STX8: variants seen among roughly 807,000 people sequenced by gnomAD.
STX8 encodes the protein syntaxin 8.
In STX8, 23 loss-of-function variants were observed where a neutral mutation model predicts 37.5. The ratio of observed to expected loss-of-function variants is 0.61; its 90% CI spans 0.44 to 0.87. The LOEUF is 0.87. STX8 is among the 40% of genes least tolerant of loss of function. The probability of loss-of-function intolerance (pLI) is 0.00; values close to 1 mark genes in which losing one functional copy is unlikely to be tolerated. For missense variants in STX8, 313 were observed against 284.7 expected, an observed-to-expected ratio of 1.10 and a Z score of -0.71; for synonymous variants, 115 against 99.1, an observed-to-expected ratio of 1.16 and a Z score of -0.95.
chr17:9,399,274 C>T (rs1171223074), intron 6 of STX8, among the ~76,000 whole-genome samples: 1 of 152,134 alleles, frequency 6.6e-6, no homozygotes, highest in Non-Finnish European at 1.5e-5. Context: ...AGAGTGAGAA[C>T]ATACTAAGGG....
At chr17:9,388,569 C>T (rs1228783117) in intron 6 of STX8, among the ~76,000 whole-genome samples, 3 of 151,222 alleles carry the variant, frequency 2.0e-5, no homozygotes, top group East Asian at 4.0e-4. Context: ...TTTGGGAGGC[C>T]GAGGTGGGCG....
At chr17:9,520,291 A>G (rs925786545) in intron 4 of STX8, among the ~76,000 whole-genome samples, 9 of 152,244 alleles carry the variant, frequency 5.9e-5, no homozygotes, top group African/African-American at 2.2e-4. Flanking sequence ...CTTCAGCAGC[A>G]AAGACTGATA....
chr17:9,450,752 A>T (rs984626032), intron 6 of STX8, among the ~76,000 whole-genome samples: 10 of 152,150 alleles, frequency 6.6e-5, no homozygotes, highest in Admixed American at 6.5e-4. Flanking sequence ...ATTTCAAGTC[A>T]GCACTTTTCT....
chr17:9,512,003 C>T (rs945397882), intron 4 of STX8, among the ~76,000 whole-genome samples: 4 of 151,866 alleles, frequency 2.6e-5, no homozygotes, highest in Non-Finnish European at 5.9e-5. Context: ...GCAATCCCCC[C>T]GCCAAAATTA....
At chr17:9,458,303 C>T (rs1374235309) in intron 6 of STX8, among the ~76,000 whole-genome samples, 3 of 150,960 alleles carry the variant, frequency 2.0e-5, no homozygotes, top group Non-Finnish European at 2.9e-5. Flanking sequence ...GCGACCACTG[C>T]CACGCCTGGC....
chr17:9,362,211 T>C (rs544683357), intron 7 of STX8, among the ~76,000 whole-genome samples: 3 of 152,062 alleles, frequency 2.0e-5, no homozygotes, highest in Non-Finnish European at 4.4e-5. Flanking sequence ...ATGCCTGTAA[T>C]CCCAGCTTCT....
At chr17:9,334,576 A>G (rs1910078615) in intron 7 of STX8, among the ~76,000 whole-genome samples, 1 of 152,128 alleles carries the variant, frequency 6.6e-6, no homozygotes, top group Non-Finnish European at 1.5e-5. Context: ...GAAGTGAGAA[A>G]AGTAAGTCTC....
chr17:9,434,249 G>A (rs926712415), intron 6 of STX8, among the ~76,000 whole-genome samples: 4 of 152,054 alleles, frequency 2.6e-5, no homozygotes, highest in South Asian at 2.1e-4. Flanking sequence ...GTGATCCGCC[G>A]GCCTCAGCCT....
At chr17:9,525,304 C>T (rs1905516739) in intron 4 of STX8, among the ~76,000 whole-genome samples, 1 of 152,060 alleles carries the variant, frequency 6.6e-6, no homozygotes, top group Non-Finnish European at 1.5e-5. Flanking sequence ...ACATGGTCTT[C>T]TCAGCCTCCC....
At chr17:9,467,281 C>T (rs551954505) in intron 6 of STX8, 8 of 152,214 alleles carry the variant, frequency 5.3e-5, no homozygotes, top group Admixed American at 3.3e-4. Flanking sequence ...ATAACTGAGG[C>T]GTACAGAAGT....
chr17:9,468,078 G>A (rs933697045), intron 6 of STX8, among the ~76,000 whole-genome samples: 7 of 152,092 alleles, frequency 4.6e-5, no homozygotes, highest in African/African-American at 1.2e-4. Flanking sequence ...TAGAAATAGC[G>A]TAGAAACAAT....
chr17:9,302,616 C>G (rs1188021809), intron 7 of STX8, among the ~76,000 whole-genome samples: 1 of 152,178 alleles, frequency 6.6e-6, no homozygotes, highest in Non-Finnish European at 1.5e-5. Context: ...AAGCAGCACA[C>G]ACTTCATGCT....
intron 7 of STX8, among the ~76,000 whole-genome samples, chr17:9,355,343 T>A (rs1161850122): frequency 1.3e-5 from 2 of 148,694 alleles, no homozygotes; most frequent in Non-Finnish European, 3.0e-5. Context: ...TTTTTTTTTT[T>A]TTTTTTTTTG....
At chr17:9,429,521 G>A (rs1913769715) in intron 6 of STX8, among the ~76,000 whole-genome samples, 1 of 141,706 alleles carries the variant, frequency 7.1e-6, no homozygotes, top group South Asian at 2.1e-4. Flanking sequence ...GGCTAACACG[G>A]TGAAACCCCA....
chr17:9,331,194 ATACGC>A (rs1909951116), intron 7 of STX8, among the ~76,000 whole-genome samples: 2 of 152,312 alleles, frequency 1.3e-5, no homozygotes, highest in Middle Eastern at 3.4e-3. Flanking sequence ...GTATCAAAGG[ATACGC>A]TACGAAACCA....
intron 7 of STX8, among the ~76,000 whole-genome samples, chr17:9,351,421 T>C (rs1324190496): frequency 6.6e-6 from 1 of 152,052 alleles, no homozygotes; most frequent in Non-Finnish European, 1.5e-5. Context: ...CCTCCCAAAG[T>C]GCTGGGATTA....
chr17:9,528,430 T>G (rs572188022), intron 4 of STX8, among the ~76,000 whole-genome samples: 1 of 152,320 alleles, frequency 6.6e-6, no homozygotes, highest in African/African-American at 2.4e-5. Context: ...CCTGAGTAGC[T>G]GGGATTACAG....
intron 1 of STX8, among the ~76,000 whole-genome samples, chr17:9,574,965 T>C (rs1907842462): frequency 6.6e-6 from 1 of 152,222 alleles, no homozygotes; most frequent in Non-Finnish European, 1.5e-5. Context: ...CTTAAACAAT[T>C]ATAAACTATA....
At chr17:9,446,961 T>C (rs1412815976) in intron 6 of STX8, among the ~76,000 whole-genome samples, 1 of 152,208 alleles carries the variant, frequency 6.6e-6, no homozygotes, top group Non-Finnish European at 1.5e-5. Context: ...TTTCTATTTT[T>C]TGGCACATAT....
Sources: gnomAD v4.1 joint callset for allele counts (sites outside exome capture counted in the v4.1 genomes callset) on GRCh38, gnomAD v4.1.1 for gene constraint, MANE v1.5 for transcripts, NCBI Gene and HGNC (gene_info 2026-07-23, HGNC 2026-07-21) for gene names.